The following ZNF469 variants were observed in gnomAD, a reference collection of about 807,000 sequenced individuals.
ZNF469 encodes zinc finger protein 469.
ZNF469 carries 1 observed loss-of-function variant against 1.0 expected under a neutral mutation model. That is an observed-to-expected ratio of 1.00 (90% CI 0.35 to 4.73). The LOEUF (loss-of-function observed/expected upper bound fraction) is 4.73, where lower values mean the gene tolerates loss of function less well. Among genes scored for constraint, ZNF469 ranks in the 30% most tolerant of loss-of-function variants. ZNF469 has a pLI of 0.16. For synonymous variants in ZNF469, 2,703 were observed against 2,363.4 expected (o/e 1.14, Z -4.17); for missense variants, 6,100 against 5,356.3 (o/e 1.14, Z -4.33).
At chr16:88,199,437 G>T in the ZNF469 span, among the ~76,000 whole-genome samples, 1 of 152,238 alleles carries the variant, frequency 6.6e-6, no homozygotes, top group African/African-American at 2.4e-5. Flanking sequence ...GTCTTCAGGG[G>T]TGGGAGCAGC....
the ZNF469 span, among the ~76,000 whole-genome samples, chr16:88,350,277 C>G: frequency 2.0e-5 from 3 of 152,278 alleles, no homozygotes; most frequent in Non-Finnish European, 2.9e-5. Flanking sequence ...GCCCTGCCCC[C>G]CCGTCCGCTC....
At chr16:88,320,787 G>C in the ZNF469 span, among the ~76,000 whole-genome samples, 1 of 152,158 alleles carries the variant, frequency 6.6e-6, no homozygotes, top group Non-Finnish European at 1.5e-5. Context: ...CTCATTGCTG[G>C]TCTTTAGAAA....
At chr16:88,364,169 G>C in the ZNF469 span, among the ~76,000 whole-genome samples, 1 of 151,996 alleles carries the variant, frequency 6.6e-6, no homozygotes, top group African/African-American at 2.4e-5. Flanking sequence ...TGTTAAGCAG[G>C]GTTCAACATT....
At chr16:88,388,612 T>C (rs1346701866) in intron 1 of ZNF469, among the ~76,000 whole-genome samples, 1 of 152,204 alleles carries the variant, frequency 6.6e-6, no homozygotes, top group East Asian at 1.9e-4. Flanking sequence ...GGAATGTGAC[T>C]TGCTAAGATC....
At chr16:88,235,647 T>A in the ZNF469 span, among the ~76,000 whole-genome samples, 2 of 152,166 alleles carry the variant, frequency 1.3e-5, no homozygotes, top group African/African-American at 4.8e-5. Context: ...AGGTCAACGT[T>A]TCAAGGAATT....
chr16:88,389,121 A>T (rs749513166), intron 1 of ZNF469, among the ~76,000 whole-genome samples: 12 of 152,238 alleles, frequency 7.9e-5, no homozygotes, highest in Non-Finnish European at 1.6e-4. Flanking sequence ...CTAGTTCTAG[A>T]ACGTTTTTAT....
At chr16:88,390,560 G>A (rs1472808793) in intron 1 of ZNF469, among the ~76,000 whole-genome samples, 1 of 152,192 alleles carries the variant, frequency 6.6e-6, no homozygotes, top group Non-Finnish European at 1.5e-5. Context: ...CCCTTCCTAG[G>A]CAAGCTGACT....
At chr16:88,159,225 C>A in the ZNF469 span, among the ~76,000 whole-genome samples, 1 of 558 alleles carries the variant, frequency 1.8e-3, no homozygotes, top group Non-Finnish European at 0.019. Context: ...CTCTCACCGT[C>A]CTGCAGCGTC....
chr16:88,170,813 A>C, the ZNF469 span, among the ~76,000 whole-genome samples: 1 of 151,988 alleles, frequency 6.6e-6, no homozygotes, highest in African/African-American at 2.4e-5. The surrounding 1 kb of genome is among the most constrained non-coding windows in gnomAD (Gnocchi z 4.2). Context: ...TGGTGGTTTT[A>C]CTTTTAATTT....
the ZNF469 span, among the ~76,000 whole-genome samples, chr16:88,327,188 C>T: frequency 6.6e-6 from 1 of 152,200 alleles, no homozygotes; most frequent in African/African-American, 2.4e-5. Context: ...GGCCGCCTCT[C>T]CAGAGCCTGT....
the ZNF469 span, among the ~76,000 whole-genome samples, chr16:88,213,624 C>T: frequency 1.2e-4 from 19 of 152,284 alleles, no homozygotes; most frequent in East Asian, 2.1e-3. Context: ...CTACTCATCA[C>T]GATGCCATTT....
At chr16:88,224,264 T>C in the ZNF469 span, among the ~76,000 whole-genome samples, 4 of 152,188 alleles carry the variant, frequency 2.6e-5, no homozygotes, top group African/African-American at 9.7e-5. Context: ...TGCCCGGGCC[T>C]GTCCCTCCTG....
At chr16:88,139,938 A>G in the ZNF469 span, among the ~76,000 whole-genome samples, 1 of 152,194 alleles carries the variant, frequency 6.6e-6, no homozygotes, top group Non-Finnish European at 1.5e-5. Context: ...TCTCCAAACA[A>G]CAGCATCAAC....
chr16:88,319,730 C>T, the ZNF469 span, among the ~76,000 whole-genome samples: 6,768 of 152,300 alleles, frequency 0.044, 218 homozygotes, highest in Non-Finnish European at 0.063. Flanking sequence ...GGGAGAATAA[C>T]AGGACACGCT....
At chr16:88,115,885 T>C in the ZNF469 span, among the ~76,000 whole-genome samples, 1 of 152,238 alleles carries the variant, frequency 6.6e-6, no homozygotes, top group African/African-American at 2.4e-5. Context: ...TGCTCTCATC[T>C]CTGCCTTTAT....
chr16:88,124,556 G>T, the ZNF469 span, among the ~76,000 whole-genome samples: 1 of 149,732 alleles, frequency 6.7e-6, no homozygotes, highest in Non-Finnish European at 1.5e-5. Context: ...TCATGTGTTT[G>T]GAATAATAGA....
chr16:88,287,637 A>G, the ZNF469 span, among the ~76,000 whole-genome samples: 2 of 152,366 alleles, frequency 1.3e-5, no homozygotes, highest in South Asian at 2.1e-4. Context: ...GAACAGTTCT[A>G]TAAGGCTTGT....
Position 88,437,228 on chromosome 16 carries a change from G to C in ZNF469, c.9758G>C (p.Gly3253Ala). The change falls in exon 3 of 3, where the codon GGA becomes GCA. Residue 3253 changes from glycine (G) to alanine (A), a missense_variant. By Grantham distance (60) the Gly-to-Ala change is moderately conservative. Coordinates refer to ENST00000565624, the MANE Select transcript of ZNF469 (RefSeq NM_001367624.2). ...GCCGGCAAGGCCGCCGGGAGCCCGGGAGACCCGTGGGGGCAAGAGGGAGAA... is the reference window on the plus strand; with the variant it reads ...GCCGGCAAGGCCGCCGGGAGCCCGGCAGACCCGTGGGGGCAAGAGGGAGAA... ...RSAGKAAGSPGDPWGQEGEAK... is the reference protein window; with the variant it reads ...RSAGKAAGSPADPWGQEGEAK... 2 of 1,549,354 alleles carry C rather than the reference G, an allele frequency of 1.3e-6. No individual in the cohort carries two copies. The highest frequency in any genetic ancestry group is 1.7e-6 in the Non-Finnish European group (2 of 1,146,468).
the ZNF469 span, among the ~76,000 whole-genome samples, chr16:88,247,023 G>A: frequency 4.2e-3 from 552 of 129,984 alleles, 7 homozygotes; most frequent in African/African-American, 0.016. Context: ...CAATGAGTGA[G>A]TGAATGAGTG....
Sources: gnomAD v4.1 joint callset for allele counts (sites outside exome capture counted in the v4.1 genomes callset) on GRCh38, gnomAD v4.1.1 for gene constraint, Gnocchi (gnomAD v3.1) non-coding constraint, MANE v1.5 for transcripts, NCBI Gene and HGNC (gene_info 2026-07-23, HGNC 2026-07-21) for gene names.